The following RAB18 variants were observed in gnomAD, a reference collection of about 807,000 sequenced individuals.
RAB18 encodes the protein ras-related protein Rab-18.
In RAB18, 10 loss-of-function variants were observed where a neutral mutation model predicts 28.5. The observed-to-expected ratio is 0.35, with a 90% CI of 0.22 to 0.60. The LOEUF is 0.60. Among genes scored for constraint, RAB18 ranks in the 20% least tolerant of loss-of-function variants. The pLI is 0.78. For missense variants in RAB18, 188 were observed against 244.2 expected, an observed-to-expected ratio of 0.77 and a Z score of 1.53; for synonymous variants, 93 against 86.9, an observed-to-expected ratio of 1.07 and a Z score of -0.39.
intron 6 of RAB18, among the ~76,000 whole-genome samples, chr10:27,536,950 G>A (rs529865649): frequency 1.3e-5 from 2 of 152,328 alleles, no homozygotes; most frequent in East Asian, 3.9e-4. Flanking sequence ...GAAATGGGTG[G>A]CTACAAGAAG....
intron 2 of RAB18, among the ~76,000 whole-genome samples, chr10:27,514,985 G>C (rs1228685297): frequency 6.6e-6 from 1 of 152,060 alleles, no homozygotes; most frequent in Admixed American, 6.6e-5. Flanking sequence ...GGCTGGTTTT[G>C]AACTCCTGGG....
intron 3 of RAB18, among the ~76,000 whole-genome samples, chr10:27,531,806 A>G (rs1047553886): frequency 6.6e-6 from 1 of 151,730 alleles, no homozygotes; most frequent in African/African-American, 2.4e-5. Context: ...TTTTTTCTCA[A>G]CAAATTCTGA....
At chr10:27,535,600 T>A (rs1346040167) in intron 6 of RAB18, among the ~76,000 whole-genome samples, 1 of 152,134 alleles carries the variant, frequency 6.6e-6, no homozygotes, top group Non-Finnish European at 1.5e-5. Flanking sequence ...TCTAAAAAGA[T>A]CCTGTTGTGT....
intron 1 of RAB18, among the ~76,000 whole-genome samples, chr10:27,507,314 T>G (rs1429604428): frequency 6.6e-6 from 1 of 152,192 alleles, no homozygotes; most frequent in Admixed American, 6.5e-5. Context: ...ATCAGGATTA[T>G]GAAACTGGGG....
At chr10:27,537,094 G>A (rs138090000) in intron 6 of RAB18, among the ~76,000 whole-genome samples, 2 of 152,188 alleles carry the variant, frequency 1.3e-5, no homozygotes, top group African/African-American at 2.4e-5. Flanking sequence ...GGGACTCCAG[G>A]AACAAAAGAA....
At chr10:27,508,761 G>A (rs1319260483) in intron 1 of RAB18, among the ~76,000 whole-genome samples, 1 of 152,142 alleles carries the variant, frequency 6.6e-6, no homozygotes, top group Non-Finnish European at 1.5e-5. Flanking sequence ...AAACTACCAG[G>A]AGGCCATTAT....
chr10:27,529,756 C>T (rs1323856174), intron 3 of RAB18, among the ~76,000 whole-genome samples: 1 of 151,940 alleles, frequency 6.6e-6, no homozygotes, highest in African/African-American at 2.4e-5. Context: ...CAAACACAAG[C>T]AACAATCTAA....
At chr10:27,505,047 C>T (rs905490535) in intron 1 of RAB18, 1 of 533,552 alleles carries the variant, frequency 1.9e-6, no homozygotes, top group Non-Finnish European at 3.8e-6. Flanking sequence ...CCGAGTGCTT[C>T]AGCCGTGGGC....
intron 3 of RAB18, among the ~76,000 whole-genome samples, chr10:27,528,830 C>G (rs1834730892): frequency 6.6e-6 from 1 of 151,888 alleles, no homozygotes; most frequent in Non-Finnish European, 1.5e-5. Flanking sequence ...ATACTCCCAC[C>G]AATTGTATTC....
At position 27,539,933 on chromosome 10, in the gene RAB18, T is replaced by G. The variant is rs1429050420; in HGVS notation, c.*1882T>G. 1 of 453,086 alleles carries G rather than the reference T, an allele frequency of 2.2e-6. No homozygotes were observed. Among genetic ancestry groups the G allele is most frequent in the Non-Finnish European group, 4.4e-6 (1 of 226,482 alleles). 28.1% of individuals were successfully genotyped at this position (453,086 alleles called of 1,614,324 possible). On this transcript the variant is annotated 3_prime_UTR_variant, in exon 7 of 7. Transcript: ENST00000356940. The stretch of plus-strand genomic sequence containing the variant: ...TTATGTGGCTTTCATTTTGTTGTTT[T>G]GTTGCAAGCTTAGTGTTTTGTAGTG...
chr10:27,526,152 T>C (rs761232976), intron 2 of RAB18, among the ~76,000 whole-genome samples: 7 of 152,236 alleles, frequency 4.6e-5, no homozygotes, highest in Non-Finnish European at 8.8e-5. Context: ...TTAGTACTTA[T>C]AGAAGCTTTT....
chr10:27,505,152 C>G (rs765913500), intron 1 of RAB18: 1 of 533,066 alleles, frequency 1.9e-6, no homozygotes, highest in Middle Eastern at 3.2e-4. Context: ...TTACTTTTTC[C>G]TTGGGGAAAA....
At chr10:27,524,456 A>G (rs545324467) in intron 2 of RAB18, among the ~76,000 whole-genome samples, 1 of 152,120 alleles carries the variant, frequency 6.6e-6, no homozygotes, top group African/African-American at 2.4e-5. Context: ...GGCCTTTTTC[A>G]TGAAGGTTAT....
At chr10:27,514,690 T>C (rs983432979) in intron 2 of RAB18, among the ~76,000 whole-genome samples, 1 of 152,018 alleles carries the variant, frequency 6.6e-6, no homozygotes, top group South Asian at 2.1e-4. Flanking sequence ...AACACAAATA[T>C]TTAAAAATGT....
intron 3 of RAB18, among the ~76,000 whole-genome samples, chr10:27,532,139 T>A (rs966943401): frequency 2.7e-5 from 4 of 150,770 alleles, no homozygotes; most frequent in Non-Finnish European, 4.4e-5. Flanking sequence ...AAAAAAAAAA[T>A]TCCTGTCATT....
chr10:27,538,011 A>G lies in RAB18; in HGVS notation c.581A>G (p.Gln194Arg). ...AAACTGTCACACAGGGAAGAAGGCC[A>G]AGGAGGAGGAGCCTGTGGTGGTTAT... is the stretch of plus-strand genomic sequence containing the variant. ...GVKLSHREEG[Q>R]GGGACGGYCS... Residue 194 changes from glutamine (Q) to arginine (R), a missense_variant, in exon 7 of 7, where the codon CAA (glutamine) becomes CGA (arginine). Physicochemically the swap from Gln to Arg is conservative, Grantham distance 43. Coordinates refer to ENST00000356940, the MANE Select transcript of RAB18 (RefSeq NM_021252.5). 1 of 1,614,166 alleles carries G rather than the reference A, an allele frequency of 6.2e-7. No individual in the cohort carries two copies. Among genetic ancestry groups the G allele is most frequent in the Non-Finnish European group, 8.5e-7 (1 of 1,180,004 alleles).
chr10:27,539,135 A>G lies in RAB18; in HGVS notation c.*1084A>G, dbSNP rs941710938. On this transcript the variant is annotated 3_prime_UTR_variant, in exon 7 of 7. Transcript: ENST00000356940. ...CAGTAGTTCATCAAAACCAACTTGTACAGACTAATAAATCTTTTTCACAGT... is the reference window on the plus strand; with the variant it reads ...CAGTAGTTCATCAAAACCAACTTGTGCAGACTAATAAATCTTTTTCACAGT... 1.1e-5 allele frequency: 4 copies of G among 374,266 alleles called. No individual in the cohort carries two copies. Among genetic ancestry groups the G allele is most frequent in the Admixed American group, 7.2e-5 (2 of 27,936 alleles). 23.2% of individuals were successfully genotyped at this position (374,266 alleles called of 1,614,324 possible).
rs1175415440 is a variant in RAB18, at chr10:27,539,926, G to A, written c.*1875G>A. On this transcript the variant is annotated 3_prime_UTR_variant, in exon 7 of 7. Coordinates refer to ENST00000356940, the MANE Select transcript of RAB18 (RefSeq NM_021252.5). ...ACTCAAATTATGTGGCTTTCATTTT[G>A]TTGTTTTGTTGCAAGCTTAGTGTTT... 3 of 452,748 alleles carry A rather than the reference G, an allele frequency of 6.6e-6. No individual in the cohort carries two copies. The highest frequency in any genetic ancestry group is 2.0e-5 in the African/African-American group (1 of 49,854). The allele number at this position is 452,748 out of a possible 1,614,324, so 28.0% of individuals were successfully genotyped here.
chr10:27,509,287 GT>G (rs1407835008), intron 1 of RAB18, among the ~76,000 whole-genome samples: 2 of 152,050 alleles, frequency 1.3e-5, no homozygotes, highest in Non-Finnish European at 2.9e-5. Flanking sequence ...TGCCTACTTG[GT>G]TTTACACACT....
Sources: gnomAD v4.1 joint callset for allele counts (sites outside exome capture counted in the v4.1 genomes callset) on GRCh38, gnomAD v4.1.1 for gene constraint, MANE v1.5 for transcripts, NCBI Gene and HGNC (gene_info 2026-07-23, HGNC 2026-07-21) for gene names.